The following LSAMP variants were observed in gnomAD, a reference collection of about 807,000 sequenced individuals.
LSAMP encodes the protein limbic system-associated membrane protein.
Under a neutral mutation model 38.6 loss-of-function variants are expected in LSAMP, and 7 were observed. The observed-to-expected ratio is 0.18, with a 90% confidence interval of 0.10 to 0.34. The LOEUF is 0.34. Ranked by LOEUF, LSAMP falls within the 10% of genes least tolerant of loss-of-function variation. The pLI is 1.00. For synonymous variants in LSAMP, 154 were observed against 166.8 expected (o/e 0.92, Z 0.59); for missense variants, 313 against 420.0 (o/e 0.75, Z 2.23).
chr3:115,942,981 C>A (rs971118986), intron 3 of LSAMP, among the ~76,000 whole-genome samples: 2 of 152,070 alleles, frequency 1.3e-5, no homozygotes, highest in Admixed American at 1.3e-4. Context: ...CAATACAATG[C>A]AATAAAAAGG....
At chr3:116,155,187 C>A (rs1164037443) in intron 1 of LSAMP, among the ~76,000 whole-genome samples, 1 of 151,912 alleles carries the variant, frequency 6.6e-6, no homozygotes, top group African/African-American at 2.4e-5. Context: ...TCACTGGACT[C>A]TCTCATGAGG....
intron 3 of LSAMP, among the ~76,000 whole-genome samples, chr3:115,943,022 C>T (rs4536822): frequency 0.048 from 7,370 of 152,086 alleles, 537 homozygotes; most frequent in African/African-American, 0.16. Flanking sequence ...GAACAACATA[C>T]GTTAAGAAGA....
At chr3:116,331,430 G>A (rs982644723) in intron 1 of LSAMP, among the ~76,000 whole-genome samples, 2 of 152,098 alleles carry the variant, frequency 1.3e-5, no homozygotes, top group Non-Finnish European at 1.5e-5. Context: ...GTAACTCAAA[G>A]AGCCTCAAGA....
At chr3:116,181,983 G>A (rs1467148151) in intron 1 of LSAMP, among the ~76,000 whole-genome samples, 1 of 151,968 alleles carries the variant, frequency 6.6e-6, no homozygotes, top group East Asian at 1.9e-4. Context: ...AACAGTCATG[G>A]AAGAAAACTT....
chr3:115,885,400 G>A (rs564506111), intron 3 of LSAMP, among the ~76,000 whole-genome samples: 3 of 152,104 alleles, frequency 2.0e-5, no homozygotes, highest in South Asian at 2.1e-4. Context: ...ATGTGCCCAG[G>A]AGAGATAATC....
chr3:116,438,788 C>T (rs1015224560), intron 1 of LSAMP, among the ~76,000 whole-genome samples: 10 of 152,122 alleles, frequency 6.6e-5, no homozygotes, highest in African/African-American at 1.7e-4. Flanking sequence ...TTTCCATAGA[C>T]GTTATGTAAA....
intron 3 of LSAMP, among the ~76,000 whole-genome samples, chr3:115,854,369 G>A (rs1576151413): frequency 7.0e-6 from 1 of 143,352 alleles, no homozygotes; most frequent in African/African-American, 2.6e-5. Flanking sequence ...TGCAAGCTCC[G>A]CCTCCCAGGT....
rs1313732747 is a variant in LSAMP at position 115,854,280 on chromosome 3, TTA to T, written c.515-1665_515-1664del. Among the ~76,000 whole-genome samples the T allele has an allele frequency of 6.2e-3, 600 of 96,426 alleles. 10 individuals are homozygous for T. Among genetic ancestry groups the T allele is most frequent in the African/African-American group, 0.021 (497 of 24,170 alleles). 63.3% of individuals were successfully genotyped at this position (96,426 alleles called of 152,430 possible). A position where few individuals can be genotyped will look rare whatever the true frequency, so the allele number is the denominator to read the frequency against. ...ATTATTATTATTATTATTATTATTA[TTA>T]TTTTTTTTTTTTTTTTTTGAGATGG... On this transcript the variant is annotated intron_variant, in intron 3 of 6. Coordinates refer to ENST00000490035, the MANE Select transcript of LSAMP (RefSeq NM_002338.5).
At chr3:115,934,519 A>G (rs968847806) in intron 3 of LSAMP, among the ~76,000 whole-genome samples, 2 of 152,160 alleles carry the variant, frequency 1.3e-5, no homozygotes, top group Non-Finnish European at 2.9e-5. Flanking sequence ...GGGGCTGAAG[A>G]AAAATCTTAT....
chr3:116,397,795 C>G (rs183820876), intron 1 of LSAMP, among the ~76,000 whole-genome samples: 22 of 152,204 alleles, frequency 1.4e-4, no homozygotes, highest in Admixed American at 1.3e-3. Context: ...TAGCACGAGT[C>G]ATAGTATGTG....
chr3:116,183,530 T>C (rs906240453), intron 1 of LSAMP, among the ~76,000 whole-genome samples: 8 of 151,828 alleles, frequency 5.3e-5, no homozygotes, highest in Admixed American at 2.6e-4. Context: ...GTCTCAACTT[T>C]TGGGTTGGGT....
chr3:115,822,369 T>G (rs1423642238), intron 6 of LSAMP, among the ~76,000 whole-genome samples: 5 of 150,414 alleles, frequency 3.3e-5, no homozygotes, highest in African/African-American at 1.2e-4. Flanking sequence ...CTTCTTTTTT[T>G]TTTTTTTTTT....
Position 115,808,973 on chromosome 3 carries a change from G to A in LSAMP, c.*1344C>T. On this transcript the variant is annotated 3_prime_UTR_variant, in exon 7 of 7. Coordinates refer to ENST00000490035, the MANE Select transcript of LSAMP (RefSeq NM_002338.5). Reference sequence around the variant, plus strand: ...TGGGACAAATGTTATTTAAGATTAGGGAGGAGGTAAAACAGGGCTGCTTAG... The same window carrying A: ...TGGGACAAATGTTATTTAAGATTAGAGAGGAGGTAAAACAGGGCTGCTTAG... 6.6e-6 allele frequency: 1 copy of A among 152,124 alleles called. No homozygotes were observed. The highest frequency in any genetic ancestry group is 1.5e-5 in the Non-Finnish European group (1 of 68,030). 9.4% of individuals were successfully genotyped at this position (152,124 alleles called of 1,614,324 possible).
chr3:115,995,318 C>T (rs146295281), intron 3 of LSAMP, among the ~76,000 whole-genome samples: 299 of 152,086 alleles, frequency 2.0e-3, no homozygotes, highest in African/African-American at 6.7e-3. Context: ...ATAGTGAAGG[C>T]CAGTACTGAT....
chr3:116,182,074 C>T (rs1369130064), intron 1 of LSAMP, among the ~76,000 whole-genome samples: 4 of 151,912 alleles, frequency 2.6e-5, no homozygotes, highest in Non-Finnish European at 5.9e-5. Flanking sequence ...CTAGCCTGAT[C>T]TGTGCAGATA....
intron 1 of LSAMP, among the ~76,000 whole-genome samples, chr3:116,370,732 C>T (rs1073924): frequency 0.51 from 77,986 of 151,928 alleles, 22,962 homozygotes; most frequent in East Asian, 0.78. Context: ...TGTCCCCTCA[C>T]GGGTGCAAGC....
chr3:116,301,571 C>T (rs2047408522), intron 1 of LSAMP, among the ~76,000 whole-genome samples: 1 of 152,062 alleles, frequency 6.6e-6, no homozygotes, highest in African/African-American at 2.4e-5. Context: ...AGAAAGCTGT[C>T]CACCCTGAAG....
intron 1 of LSAMP, among the ~76,000 whole-genome samples, chr3:116,307,835 T>A (rs924180826): frequency 6.6e-6 from 1 of 151,830 alleles, no homozygotes; most frequent in African/African-American, 2.4e-5. Flanking sequence ...ACTATGTGAT[T>A]AAGAGCAAAA....
intron 1 of LSAMP, among the ~76,000 whole-genome samples, chr3:116,133,494 G>A (rs1201207380): frequency 6.6e-6 from 1 of 151,638 alleles, no homozygotes; most frequent in Non-Finnish European, 1.5e-5. Context: ...ATATTTTTTG[G>A]TAGAAATGGA....
Sources: allele counts gnomAD v4.1 joint callset (sites outside exome capture counted in the v4.1 genomes callset), GRCh38; gene constraint gnomAD v4.1.1; transcripts MANE v1.5; gene names NCBI Gene and HGNC (gene_info 2026-07-23, HGNC 2026-07-21).